The following GAD1 variants were observed in gnomAD, a reference collection of about 807,000 sequenced individuals.
GAD1 encodes glutamate decarboxylase 1, also known as 67 kDa glutamic acid decarboxylase.
A neutral mutation model predicts 75.2 loss-of-function variants in GAD1; 35 were observed. The observed-to-expected ratio is 0.47, with a 90% CI of 0.36 to 0.62. The LOEUF (loss-of-function observed/expected upper bound fraction) is 0.62. Ranked by LOEUF, GAD1 falls within the 20% of genes least tolerant of loss-of-function variation. The probability of loss-of-function intolerance (pLI) is 0.00; values close to 1 mark genes in which losing one functional copy is unlikely to be tolerated. For synonymous variants in GAD1, 257 were observed against 271.9 expected, an observed-to-expected ratio of 0.95 and a Z score of 0.54; for missense variants, 490 against 758.5, an observed-to-expected ratio of 0.65 and a Z score of 4.16.
At chr2:170,819,649 A>T (rs1701810999) in intron 2 of GAD1, among the ~76,000 whole-genome samples, 1 of 150,188 alleles carries the variant, frequency 6.7e-6, no homozygotes, top group South Asian at 2.1e-4. Context: ...CCACCCCCCT[A>T]AAAAAACTTA....
intron 6 of GAD1, among the ~76,000 whole-genome samples, chr2:170,840,645 G>GGAGGAAGGGA (rs1553578748): frequency 1.4e-4 from 16 of 117,364 alleles, no homozygotes; most frequent in South Asian, 3.9e-4. Context: ...GGGAGGAAAG[G>GGAGGAAGGGA]AGGGAGGTAG....
intron 6 of GAD1, chr2:170,842,832 C>T: frequency 9.5e-7 from 1 of 1,056,056 alleles, no homozygotes; most frequent in Non-Finnish European, 1.3e-6. Context: ...TTTTCATCCA[C>T]AATTAAAACT....
chr2:170,826,104 CAT>C (rs1201679157), intron 3 of GAD1, among the ~76,000 whole-genome samples: 20 of 152,270 alleles, frequency 1.3e-4, no homozygotes, highest in Admixed American at 2.6e-4. Context: ...AAGTGAAAGA[CAT>C]GTGACAATAT....
At chr2:170,858,914 T>C in intron 16 of GAD1, 21 bp downstream of exon 16, 1 of 1,598,298 alleles carries the variant, frequency 6.3e-7, no homozygotes. Flanking sequence ...GCTTTTTGTC[T>C]CATCTAATCC....
At chr2:170,817,337 C>T (rs971637480) in intron 1 of GAD1, 1 of 149,156 alleles carries the variant, frequency 6.7e-6, no homozygotes, top group African/African-American at 2.4e-5. Context: ...GAGCGATTTT[C>T]CCTTGAGCTT....
chr2:170,858,145 G>A (rs1036021076), intron 15 of GAD1, among the ~76,000 whole-genome samples: 10 of 152,158 alleles, frequency 6.6e-5, no homozygotes, highest in Admixed American at 5.9e-4. Flanking sequence ...AACAACAAAT[G>A]TGATATCTCA....
chr2:170,835,054 G>A (rs544252572), intron 5 of GAD1, among the ~76,000 whole-genome samples: 2 of 152,190 alleles, frequency 1.3e-5, no homozygotes, highest in South Asian at 4.2e-4. Context: ...TTGCAGGCAT[G>A]AGCCACCGTG....
chr2:170,813,806 G>A (rs1286055487), upstream of GAD1, among the ~76,000 whole-genome samples: 1 of 152,210 alleles, frequency 6.6e-6, no homozygotes, highest in Non-Finnish European at 1.5e-5. Context: ...AAGTCCCAGC[G>A]GTGGTTGACC....
chr2:170,850,760 T>C (rs1408922005), intron 12 of GAD1, among the ~76,000 whole-genome samples: 2 of 152,134 alleles, frequency 1.3e-5, no homozygotes, highest in African/African-American at 4.8e-5. Flanking sequence ...TGGCCTGTAA[T>C]CCCAGCACTT....
intron 6 of GAD1, chr2:170,842,679 G>T: frequency 6.2e-7 from 1 of 1,612,778 alleles, no homozygotes; most frequent in Non-Finnish European, 8.5e-7. Context: ...GGTTTCCAAG[G>T]GTCTTCCTCC....
intron 6 of GAD1, among the ~76,000 whole-genome samples, chr2:170,841,955 G>A (rs1702527383): frequency 6.6e-6 from 1 of 152,144 alleles, no homozygotes; most frequent in Admixed American, 6.6e-5. Context: ...GATGTCACCT[G>A]GCAGAGAATA....
intron 5 of GAD1, among the ~76,000 whole-genome samples, chr2:170,835,101 A>C (rs1391847622): frequency 6.6e-6 from 1 of 152,136 alleles, no homozygotes; most frequent in African/African-American, 2.4e-5. Flanking sequence ...CTTTTTTTAA[A>C]AAAGTCCACA....
chr2:170,817,409 T>G (rs1701735534), intron 1 of GAD1: 1 of 152,288 alleles, frequency 6.6e-6, no homozygotes, highest in African/African-American at 2.4e-5. Context: ...AAGGCGCTAC[T>G]AGGAACGGTA....
chr2:170,824,395 AC>A (rs1164699004), intron 3 of GAD1, among the ~76,000 whole-genome samples: 2 of 56,388 alleles, frequency 3.5e-5, no homozygotes, highest in Non-Finnish European at 5.4e-5. Flanking sequence ...ACACACACAC[AC>A]ACACACACAC....
chr2:170,847,329 T>G (rs1702654297), intron 10 of GAD1, among the ~76,000 whole-genome samples: 1 of 152,240 alleles, frequency 6.6e-6, no homozygotes, highest in Non-Finnish European at 1.5e-5. Flanking sequence ...TTATTGCTAT[T>G]AAACATACTG....
chr2:170,818,753 G>T lies in GAD1; in HGVS notation c.82+80G>T. 3 of 1,351,598 alleles carry T rather than the reference G, an allele frequency of 2.2e-6. No individual in the cohort carries two copies. Among genetic ancestry groups the T allele is most frequent in the Non-Finnish European group, 3.2e-6 (3 of 940,886 alleles). The allele number at this position is 1,351,598 out of a possible 1,614,324, so 83.7% of individuals were successfully genotyped here. On this transcript the variant is annotated intron_variant, in intron 2 of 16. Transcript: ENST00000358196. The surrounding 1 kb of genome is among the most constrained non-coding windows in gnomAD (Gnocchi z 5.9). ...GGGACGTCGGGAGGCTGAGCTGGCGGAAAGGGAAGGGGGAGCGCGGAGATA... is the reference window on the plus strand; with the variant it reads ...GGGACGTCGGGAGGCTGAGCTGGCGTAAAGGGAAGGGGGAGCGCGGAGATA...
chr2:170,828,480 TCTC>T (rs1702101114), intron 3 of GAD1, among the ~76,000 whole-genome samples: 1 of 60,972 alleles, frequency 1.6e-5, no homozygotes, highest in Non-Finnish European at 3.2e-5. Context: ...CTGTCCTTGA[TCTC>T]CTCCCTCTGC....
At chr2:170,846,509 A>G (rs1702636645) in intron 10 of GAD1, among the ~76,000 whole-genome samples, 2 of 152,246 alleles carry the variant, frequency 1.3e-5, no homozygotes, top group African/African-American at 4.8e-5. Flanking sequence ...AACAAACTCT[A>G]TTAAACAAAA....
At chr2:170,852,693 A>G (rs1702769839) in intron 12 of GAD1, 21 bp from the exon 13 acceptor site, 1 of 1,610,654 alleles carries the variant, frequency 6.2e-7, no homozygotes, top group Non-Finnish European at 8.5e-7. Context: ...ACCTTCTCGA[A>G]GTCTCATGTG....
Sources: gnomAD v4.1 joint callset for allele counts (sites outside exome capture counted in the v4.1 genomes callset) on GRCh38, gnomAD v4.1.1 for gene constraint, Gnocchi (gnomAD v3.1) non-coding constraint, MANE v1.5 for transcripts, NCBI Gene and HGNC (gene_info 2026-07-23, HGNC 2026-07-21) for gene names.